ZC3HAV1: variants seen among roughly 807,000 people sequenced by gnomAD.
ZC3HAV1 encodes the protein zinc finger CCCH-type antiviral protein 1.
In ZC3HAV1, 41 loss-of-function variants were observed where a neutral mutation model predicts 86.6. The ratio of observed to expected loss-of-function variants is 0.47; its 90% CI spans 0.37 to 0.61. The LOEUF (loss-of-function observed/expected upper bound fraction) is 0.61. Ranked by LOEUF, ZC3HAV1 falls within the 20% of genes least tolerant of loss-of-function variation. ZC3HAV1 has a pLI of 0.00. For synonymous variants in ZC3HAV1, 421 were observed against 432.1 expected, an observed-to-expected ratio of 0.97 and a Z score of 0.32; for missense variants, 964 against 1,141.1, an observed-to-expected ratio of 0.84 and a Z score of 2.24.
At chr7:139,052,459 G>A (rs370350729) in intron 12 of ZC3HAV1, among the ~76,000 whole-genome samples, 4 of 150,916 alleles carry the variant, frequency 2.7e-5, no homozygotes, top group East Asian at 3.9e-4. Context: ...TACAAAATTA[G>A]CTGGGCGTGG....
chr7:139,104,721 C>CA (rs1157897700), intron 1 of ZC3HAV1, among the ~76,000 whole-genome samples: 2,562 of 19,200 alleles, frequency 0.13, 291 homozygotes, highest in African/African-American at 0.18. Context: ...GACTCTGTCA[C>CA]AAAAAAAAAA....
chr7:139,068,844 G>A (rs911669383), intron 7 of ZC3HAV1, among the ~76,000 whole-genome samples: 3 of 152,198 alleles, frequency 2.0e-5, no homozygotes, highest in Non-Finnish European at 4.4e-5. Flanking sequence ...GTGATGTGTA[G>A]GCTGGTTCAT....
At chr7:139,093,983 A>G (rs983781728) in intron 1 of ZC3HAV1, among the ~76,000 whole-genome samples, 1 of 152,198 alleles carries the variant, frequency 6.6e-6, no homozygotes, top group African/African-American at 2.4e-5. Context: ...GCCAGGAAAT[A>G]GTATGAAAGT....
chr7:139,092,126 AAGACTATT>A (rs547717928), intron 1 of ZC3HAV1, among the ~76,000 whole-genome samples: 188 of 152,356 alleles, frequency 1.2e-3, no homozygotes, highest in Admixed American at 2.8e-3. Flanking sequence ...CAGGGGCTTT[AAGACTATT>A]ACAAGGTGAT....
chr7:139,057,681 G>GGCGCCCGCCACC (rs1655016488), intron 9 of ZC3HAV1, among the ~76,000 whole-genome samples: 1 of 78,812 alleles, frequency 1.3e-5, no homozygotes, highest in Non-Finnish European at 2.4e-5. Context: ...TGGGACTACA[G>GGCGCCCGCCACC]GCGCCCGCCA....
chr7:139,048,022 G>A (rs954411584), intron 12 of ZC3HAV1, among the ~76,000 whole-genome samples, 169 bp from the exon 13 acceptor site: 4 of 152,108 alleles, frequency 2.6e-5, no homozygotes, highest in Admixed American at 6.5e-5. Flanking sequence ...TGATGCAGGC[G>A]AACTTAAATA....
At chr7:139,089,826 T>C in intron 1 of ZC3HAV1, 67 bp from the exon 2 acceptor site, 1 of 1,512,134 alleles carries the variant, frequency 6.6e-7, no homozygotes, top group Non-Finnish European at 8.8e-7. Flanking sequence ...AAATCAGCCA[T>C]AAAACTTTCA....
chr7:139,103,111 C>T lies in ZC3HAV1; in HGVS notation c.308+5913G>A, dbSNP rs905826862. Among the ~76,000 whole-genome samples the T allele has an allele frequency of 1.9e-4, 29 of 150,960 alleles. No homozygotes were observed. In the South Asian group the frequency reaches 5.8e-3, roughly 30 times the overall value. On this transcript the variant is annotated intron_variant, in intron 1 of 12. Transcript: ENST00000242351. ...CTGGTGTGCACTGGCATGAACATAGCTCACTGTAACCTCAAAATTCCTGGG... is the reference window on the plus strand; with the variant it reads ...CTGGTGTGCACTGGCATGAACATAGTTCACTGTAACCTCAAAATTCCTGGG...
chr7:139,058,440 ACCCCC>A lies in ZC3HAV1; in HGVS notation c.2096+2591_2096+2595del, dbSNP rs56132797. ...CTGCACCCCAGCAACCTAACCCCCA[ACCCCC>A]CCCCCCCCCACAAAAAAACACCAAA... On this transcript the variant is annotated intron_variant, in intron 9 of 12. Transcript: ENST00000242351. 2.2e-3 allele frequency among the ~76,000 whole-genome samples: 266 copies of A among 119,284 alleles called. 2 individuals carry two copies. The highest frequency in any genetic ancestry group is 7.6e-3 in the African/African-American group (249 of 32,904). 78.3% of individuals were successfully genotyped at this position (119,284 alleles called of 152,430 possible).
At chr7:139,074,394 G>C (rs182086716) in intron 6 of ZC3HAV1, among the ~76,000 whole-genome samples, 3 of 152,102 alleles carry the variant, frequency 2.0e-5, no homozygotes, top group Non-Finnish European at 4.4e-5. Context: ...AAAATGTGGA[G>C]ACCCTTGCAG....
intron 12 of ZC3HAV1, among the ~76,000 whole-genome samples, chr7:139,048,122 A>T (rs139183826): frequency 9.8e-5 from 15 of 152,288 alleles, no homozygotes; most frequent in African/African-American, 3.6e-4. Flanking sequence ...GCAATGACCA[A>T]ATGACAATGT....
At position 139,109,040 on chromosome 7, in the gene ZC3HAV1, A is replaced by G. The variant is rs1818023087; in HGVS notation, c.292T>C (p.Tyr98His). 6.4e-7 allele frequency: 1 copy of G among 1,574,042 alleles called. No individual in the cohort carries two copies. Among genetic ancestry groups the G allele is most frequent in the Non-Finnish European group, 8.7e-7 (1 of 1,156,044 alleles). ...CKLNLLGRCN[Y>H]SQSERNLCKY... Reference sequence around the variant, plus strand: ...TGCACTCACCGCTCGGACTGCGAATAGTTGCACCGGCCCAGCAAGTTGAGT... The same window carrying G: ...TGCACTCACCGCTCGGACTGCGAATGGTTGCACCGGCCCAGCAAGTTGAGT... Residue 98 changes from tyrosine to histidine, a missense_variant, in exon 1 of 13, where the codon TAT becomes CAT. Tyr to His is a moderately conservative substitution (Grantham distance 83). Coordinates refer to ENST00000242351, the MANE Select transcript of ZC3HAV1 (RefSeq NM_020119.4).
chr7:139,065,829 G>A (rs549680482), intron 7 of ZC3HAV1, among the ~76,000 whole-genome samples: 8 of 152,180 alleles, frequency 5.3e-5, no homozygotes, highest in South Asian at 2.1e-4. Flanking sequence ...GCTTAAACTC[G>A]GGGGGCGGAG....
At chr7:139,087,034 C>A (rs901399772) in intron 2 of ZC3HAV1, among the ~76,000 whole-genome samples, 1 of 152,040 alleles carries the variant, frequency 6.6e-6, no homozygotes, top group South Asian at 2.1e-4. Context: ...ATGTGTGGCC[C>A]GATGTTAAAA....
intron 1 of ZC3HAV1, among the ~76,000 whole-genome samples, chr7:139,100,961 G>A (rs1252091147): frequency 6.6e-6 from 1 of 152,214 alleles, no homozygotes; most frequent in East Asian, 1.9e-4. Flanking sequence ...TCCTGCCTCA[G>A]CCTGCCGAGT....
intron 9 of ZC3HAV1, chr7:139,060,197 T>C: frequency 1.0e-6 from 1 of 975,420 alleles, no homozygotes; most frequent in Non-Finnish European, 1.2e-6. Context: ...TTTATCTTTT[T>C]AGTAACTTCC....
rs1160079421 is a variant in ZC3HAV1 at position 139,074,035 on chromosome 7, G to A, written c.1698-5C>T. On this transcript the variant is annotated splice_region_variant and splice_polypyrimidine_tract_variant and intron_variant, in intron 6 of 12. Coordinates refer to ENST00000242351, the MANE Select transcript of ZC3HAV1 (RefSeq NM_020119.4). ...GTATAACTTCCTACAGAACAGCTGA[G>A]AGAGAAAAGTATTAAGTTAACATAA... The A allele has an allele frequency of 1.9e-6, 3 of 1,609,640 alleles. No homozygotes were observed. The highest frequency in any genetic ancestry group is 2.5e-6 in the Non-Finnish European group (3 of 1,177,300).
At chr7:139,091,949 G>A (rs1025462503) in intron 1 of ZC3HAV1, among the ~76,000 whole-genome samples, 2 of 152,114 alleles carry the variant, frequency 1.3e-5, no homozygotes, top group South Asian at 2.1e-4. Context: ...GCCAAGAGAC[G>A]GCTAACGCTC....
At chr7:139,106,832 T>C (rs908235547) in intron 1 of ZC3HAV1, among the ~76,000 whole-genome samples, 3 of 128,838 alleles carry the variant, frequency 2.3e-5, no homozygotes, top group Admixed American at 2.2e-4. Flanking sequence ...AGTAATCAAA[T>C]GGTTGCTGAG....
Sources: allele counts gnomAD v4.1 joint callset (sites outside exome capture counted in the v4.1 genomes callset), GRCh38; gene constraint gnomAD v4.1.1; transcripts MANE v1.5; gene names NCBI Gene and HGNC (gene_info 2026-07-23, HGNC 2026-07-21).